The following CYP19A1 variants were observed in gnomAD, a reference collection of about 807,000 sequenced individuals.
CYP19A1 encodes the protein cytochrome P450 family 19 subfamily A member 1.
In CYP19A1, 32 loss-of-function variants were observed where a neutral mutation model predicts 44.4. That is an observed-to-expected ratio of 0.72 (90% confidence interval 0.54 to 0.97). The LOEUF (loss-of-function observed/expected upper bound fraction) is 0.97, where lower values mean the gene tolerates loss of function less well. Ranked by LOEUF, CYP19A1 falls within the 50% of genes least tolerant of loss-of-function variation. The pLI is 0.00. For missense variants in CYP19A1, 598 were observed against 637.8 expected (o/e 0.94, Z 0.67); for synonymous variants, 212 against 215.6 (o/e 0.98, Z 0.14).
At chr15:51,275,702 C>T (rs1222557458) in intron 1 of CYP19A1, among the ~76,000 whole-genome samples, 1 of 152,140 alleles carries the variant, frequency 6.6e-6, no homozygotes, top group Non-Finnish European at 1.5e-5. Flanking sequence ...TTCTTGTTTC[C>T]TTCTCACCAG....
chr15:51,236,421 G>C (rs1416446333), intron 3 of CYP19A1, among the ~76,000 whole-genome samples: 2 of 152,138 alleles, frequency 1.3e-5, no homozygotes, highest in Admixed American at 6.5e-5. Context: ...CCAGACTATA[G>C]TGCAGTGATG....
intron 1 of CYP19A1, among the ~76,000 whole-genome samples, chr15:51,256,803 T>C (rs1238658438): frequency 6.6e-6 from 1 of 152,186 alleles, no homozygotes; most frequent in African/African-American, 2.4e-5. Context: ...GGCAGAATCA[T>C]ATCCTTCAAA....
intron 1 of CYP19A1, among the ~76,000 whole-genome samples, chr15:51,317,860 A>T (rs2036456320): frequency 6.6e-6 from 1 of 152,200 alleles, no homozygotes; most frequent in Non-Finnish European, 1.5e-5. Flanking sequence ...AGCCCATCTC[A>T]ATTCTCCTGA....
intron 1 of CYP19A1, among the ~76,000 whole-genome samples, chr15:51,243,896 A>G (rs779510881): frequency 3.9e-5 from 6 of 152,172 alleles, no homozygotes; most frequent in African/African-American, 4.8e-5. Context: ...AGTTTCAGGG[A>G]TGGTAGGTAG....
intron 1 of CYP19A1, among the ~76,000 whole-genome samples, chr15:51,269,150 G>A (rs1481950932): frequency 6.6e-6 from 1 of 151,988 alleles, no homozygotes; most frequent in Non-Finnish European, 1.5e-5. Context: ...AATAGTTTTA[G>A]GTTTTATATG....
intron 3 of CYP19A1, among the ~76,000 whole-genome samples, chr15:51,234,681 C>T (rs1276086122): frequency 6.6e-6 from 1 of 152,050 alleles, no homozygotes; most frequent in African/African-American, 2.4e-5. Context: ...TTCCTGTAAC[C>T]CCGGGGAGAG....
At chr15:51,289,045 T>C (rs1274278916) in intron 1 of CYP19A1, among the ~76,000 whole-genome samples, 1 of 152,158 alleles carries the variant, frequency 6.6e-6, no homozygotes, top group East Asian at 1.9e-4. Flanking sequence ...TCAAATGCGG[T>C]CATTGCTACA....
chr15:51,225,237 G>A (rs567040950), intron 4 of CYP19A1, among the ~76,000 whole-genome samples: 1 of 152,252 alleles, frequency 6.6e-6, no homozygotes, highest in Admixed American at 6.5e-5. Context: ...AGATGAGAAC[G>A]GTGGGGTGTT....
intron 1 of CYP19A1, among the ~76,000 whole-genome samples, chr15:51,328,119 A>G (rs2036640928): frequency 6.6e-6 from 1 of 152,228 alleles, no homozygotes; most frequent in African/African-American, 2.4e-5. Context: ...TACCATTGCC[A>G]TTTGTAACAT....
chr15:51,242,489 G>A (rs548389959), intron 2 of CYP19A1, among the ~76,000 whole-genome samples: 1 of 152,102 alleles, frequency 6.6e-6, no homozygotes, highest in South Asian at 2.1e-4. Context: ...ACCCCATCTT[G>A]AGCTTGTTTT....
intron 1 of CYP19A1, among the ~76,000 whole-genome samples, chr15:51,289,160 C>T (rs2035784510): frequency 6.6e-6 from 1 of 152,226 alleles, no homozygotes; most frequent in African/African-American, 2.4e-5. Context: ...ATCCTACTCC[C>T]TGTGGTACTC....
rs72556534 is a variant in CYP19A1, at chr15:51,329,435, C to A, written c.-39+9060G>T. On this transcript the variant is annotated intron_variant, in intron 1 of 9. Coordinates refer to ENST00000396402, the MANE Select transcript of CYP19A1 (RefSeq NM_000103.4). ...TTCAGTGTCTATTTGGATAGTAAGG[C>A]TAGGGGCCTTTTGAGAAACAGCAGA... 2.6e-4 allele frequency among the ~76,000 whole-genome samples: 39 copies of A among 152,260 alleles called. 1 individual carries two copies. The East Asian group carries it at 7.0e-3, about 27-fold the overall frequency.
chr15:51,288,552 C>T (rs1255621495), intron 1 of CYP19A1, among the ~76,000 whole-genome samples: 1 of 152,208 alleles, frequency 6.6e-6, no homozygotes, highest in Non-Finnish European at 1.5e-5. Context: ...CATCCTCTCA[C>T]CCTTTGGCAT....
intron 2 of CYP19A1, among the ~76,000 whole-genome samples, chr15:51,241,033 C>T (rs992587310): frequency 3.9e-5 from 6 of 152,290 alleles, no homozygotes; most frequent in Admixed American, 3.3e-4. Flanking sequence ...AAAATAGCAA[C>T]CCCAAACTAG....
chr15:51,216,184 G>A (rs1362719583), intron 6 of CYP19A1, among the ~76,000 whole-genome samples: 2 of 152,154 alleles, frequency 1.3e-5, no homozygotes, highest in African/African-American at 4.8e-5. Flanking sequence ...TGTGAGTGCT[G>A]TCAGGTGCTC....
intron 1 of CYP19A1, among the ~76,000 whole-genome samples, chr15:51,251,983 C>G (rs764257538): frequency 2.6e-5 from 4 of 152,178 alleles, no homozygotes; most frequent in Non-Finnish European, 5.9e-5. Flanking sequence ...TGCTGCCCAG[C>G]ATTCTTACCC....
At chr15:51,269,726 G>A (rs1041387373) in intron 1 of CYP19A1, among the ~76,000 whole-genome samples, 1 of 152,124 alleles carries the variant, frequency 6.6e-6, no homozygotes. Context: ...CTTCCAACAG[G>A]CAATCTTTGC....
At chr15:51,225,913 C>G (rs2141072845) in intron 4 of CYP19A1, among the ~76,000 whole-genome samples, 1 of 151,738 alleles carries the variant, frequency 6.6e-6, no homozygotes, top group Admixed American at 6.6e-5. Flanking sequence ...CACGGTGAAA[C>G]CCCGTCTCTA....
At chr15:51,328,955 G>C (rs994406533) in intron 1 of CYP19A1, among the ~76,000 whole-genome samples, 10 of 152,098 alleles carry the variant, frequency 6.6e-5, no homozygotes, top group Non-Finnish European at 1.3e-4. Context: ...TGAAACATTG[G>C]CTCTTCCTGG....
Sources: gnomAD v4.1 joint callset for allele counts (sites outside exome capture counted in the v4.1 genomes callset) on GRCh38, gnomAD v4.1.1 for gene constraint, MANE v1.5 for transcripts, NCBI Gene and HGNC (gene_info 2026-07-23, HGNC 2026-07-21) for gene names.